TNC: variants seen among roughly 807,000 people sequenced by gnomAD.
The protein encoded by TNC is tenascin C, also known as tenascin.
TNC carries 109 observed loss-of-function variants against 202.4 expected under a neutral mutation model. The ratio of observed to expected loss-of-function variants is 0.54; its 90% CI spans 0.46 to 0.63. The LOEUF is 0.63. TNC is among the 30% of genes least tolerant of loss of function. TNC has a pLI of 0.00. For missense variants in TNC, 2,756 were observed against 2,833.3 expected, an observed-to-expected ratio of 0.97 and a Z score of 0.62; for synonymous variants, 1,007 against 1,089.7, an observed-to-expected ratio of 0.92 and a Z score of 1.50.
chr9:115,079,747 T>C (rs1453964570), intron 6 of TNC, among the ~76,000 whole-genome samples: 2 of 152,192 alleles, frequency 1.3e-5, no homozygotes, highest in Admixed American at 6.5e-5. Context: ...TGATGGTGAA[T>C]GGTAAAGATG....
rs754427830 is a variant in TNC at position 115,036,188 on chromosome 9, C to T, written c.5566G>A (p.Asp1856Asn). The T allele has an allele frequency of 5.1e-5, 83 of 1,614,008 alleles. No homozygotes were observed. Among genetic ancestry groups the T allele is most frequent in the Non-Finnish European group, 6.8e-5 (80 of 1,180,012 alleles). ...GTGTATTCCGTGGCAGGCTCGAGGT[C>T]GGTCAGAGCATACTCCACTGTGTTC... ...SGNTVEYALTDLEPATEYTLR... is the reference protein window; with the variant it reads ...SGNTVEYALTNLEPATEYTLR... The change falls in exon 21 of 28, where the codon GAC becomes AAC. Residue 1856 changes from aspartate to asparagine, a missense_variant. Around this residue, in one of 2 missense-constraint regions of TNC, gnomAD observed 2,559 missense variants for 2,546.0 expected, o/e 1.01. Transcript: ENST00000350763.
In TNC at chr9:115,081,340, T is replaced by C. The variant is rs185850850; in HGVS notation, c.2404+432A>G. ...AAAGGAGATTTTGAAACTCCTTTCA[T>C]CAAGAGATGGATCTGTTTCTCTATT... On this transcript the variant is annotated intron_variant, in intron 6 of 27. Transcript: ENST00000350763. Among the ~76,000 whole-genome samples the C allele has an allele frequency of 3.3e-5, 5 of 152,334 alleles. No homozygotes were observed. In the East Asian group the frequency reaches 9.7e-4, roughly 29 times the overall value.
rs58547879 is a variant in TNC at position 115,029,430 on chromosome 9, G to A, written c.6099C>T (p.Arg2033=). 5,390 of 1,614,056 alleles carry A rather than the reference G, an allele frequency of 3.3e-3. 146 individuals are homozygous for A. In the African/African-American group the frequency reaches 0.059, roughly 18 times the overall value. ...WIVFLRRKNG[R]ENFYQNWKAY... ...CCTTCCAGTTTTGGTAGAAGTTCTC[G>A]CGTCCGTTTTTGCGTCTCAGGAACA... Residue 2033 remains arginine (R), a synonymous_variant, in exon 25 of 28, where the codon CGC becomes CGT. Coordinates refer to ENST00000350763, the MANE Select transcript of TNC (RefSeq NM_002160.4).
At chr9:115,053,450 A>G (rs186617811) in intron 15 of TNC, among the ~76,000 whole-genome samples, 3 of 152,346 alleles carry the variant, frequency 2.0e-5, no homozygotes, top group East Asian at 1.9e-4. Context: ...ACCGAATATT[A>G]TGTCTTACCA....
rs1043753845 is a variant in TNC, at chr9:115,021,145, G to A, written c.*12C>T. On this transcript the variant is annotated 3_prime_UTR_variant, in exon 28 of 28. Transcript: ENST00000350763. Reference sequence around the variant, plus strand: ...GGGCCTTATTCCTCTCTCACCCAGTGGTCCCTGGAATTTATGCCCGTTTGC... The same window carrying A: ...GGGCCTTATTCCTCTCTCACCCAGTAGTCCCTGGAATTTATGCCCGTTTGC... 2 of 1,604,664 alleles carry A rather than the reference G, an allele frequency of 1.2e-6. No homozygotes were observed. Among genetic ancestry groups the A allele is most frequent in the Admixed American group, 1.7e-5 (1 of 59,882 alleles).
chr9:115,049,097 C>T (rs1831445117), intron 15 of TNC, among the ~76,000 whole-genome samples: 1 of 151,942 alleles, frequency 6.6e-6, no homozygotes, highest in South Asian at 2.1e-4. Context: ...AAATTAATAG[C>T]TCATGGTTAT....
intron 10 of TNC, among the ~76,000 whole-genome samples, chr9:115,067,369 G>C (rs1281772738): frequency 2.0e-5 from 3 of 152,168 alleles, no homozygotes; most frequent in Non-Finnish European, 4.4e-5. Context: ...CTGTCCACCT[G>C]TCAGGAACTA....
chr9:115,070,585 A>G (rs1000918041), intron 10 of TNC, among the ~76,000 whole-genome samples: 1 of 152,206 alleles, frequency 6.6e-6, no homozygotes, highest in Admixed American at 6.5e-5. Flanking sequence ...CAAGAAAAAG[A>G]CTTACATTAT....
chr9:115,040,821 C>T, intron 19 of TNC, 120 bp downstream of exon 19: 8 of 1,326,908 alleles, frequency 6.0e-6, no homozygotes, highest in Non-Finnish European at 8.0e-6. Flanking sequence ...TAAAACCCCC[C>T]TTTTTTTCCA....
chr9:115,043,788 T>C (rs927694595), intron 17 of TNC, among the ~76,000 whole-genome samples: 10 of 152,204 alleles, frequency 6.6e-5, no homozygotes, highest in African/African-American at 2.4e-4. Context: ...ACTCAGGCAC[T>C]GAGGACTTCC....
intron 17 of TNC, among the ~76,000 whole-genome samples, chr9:115,043,870 G>A (rs567848330): frequency 6.6e-6 from 1 of 152,214 alleles, no homozygotes; most frequent in Non-Finnish European, 1.5e-5. Context: ...ATTTTAGTAG[G>A]TGTATCTTAT....
Position 115,046,401 on chromosome 9 carries a change from T to G in TNC, c.5125+9A>C. ...CTTTTCTCTGTTCTCTCCTGTTTAT[T>G]TACAGTACCTGTTGTTGCTATAGCA... On this transcript the variant is annotated intron_variant, in intron 17 of 27. Coordinates refer to ENST00000350763, the MANE Select transcript of TNC (RefSeq NM_002160.4). 1 of 1,613,452 alleles carries G rather than the reference T, an allele frequency of 6.2e-7. No homozygotes were observed. The highest frequency in any genetic ancestry group is 1.7e-5 in the Admixed American group (1 of 59,958).
intron 19 of TNC, among the ~76,000 whole-genome samples, 168 bp downstream of exon 19, chr9:115,040,773 C>T (rs1478556574): frequency 2.0e-5 from 3 of 152,158 alleles, no homozygotes; most frequent in African/African-American, 7.2e-5. Flanking sequence ...GCCTCTGGCA[C>T]TCTAAATCCA....
chr9:115,027,558 C>A (rs1245117545), intron 25 of TNC, among the ~76,000 whole-genome samples: 2 of 152,150 alleles, frequency 1.3e-5, no homozygotes, highest in African/African-American at 4.8e-5. Context: ...CCACTGCATT[C>A]CAGCCTCGGC....
At chr9:115,045,541 A>ATTTT (rs61415443) in intron 17 of TNC, among the ~76,000 whole-genome samples, 21 of 110,110 alleles carry the variant, frequency 1.9e-4, no homozygotes, top group Admixed American at 4.1e-4. Context: ...TAAGTTTTTG[A>ATTTT]TTTTTTTTTT....
At chr9:115,055,590 C>T (rs1251331977) in intron 15 of TNC, 1 of 152,396 alleles carries the variant, frequency 6.6e-6, no homozygotes, top group African/African-American at 2.4e-5. Context: ...CTGCGAGACA[C>T]CCCAGGCACA....
chr9:115,038,254 AC>A lies in TNC; in HGVS notation c.5512+6del, dbSNP rs779151362. 1.1e-5 allele frequency: 18 copies of A among 1,613,222 alleles called. No individual in the cohort carries two copies. Among genetic ancestry groups the A allele is most frequent in the Non-Finnish European group, 1.5e-5 (18 of 1,179,492 alleles). On this transcript the variant is annotated splice_donor_region_variant and intron_variant, in intron 20 of 27. Coordinates refer to ENST00000350763, the MANE Select transcript of TNC (RefSeq NM_002160.4). ...TAGAGTGAGGAGAGACTTGGACAAA[AC>A]CTTACCTTTCTCGCCTGTGTAGGAG...
At chr9:115,080,315 T>C (rs1834206078) in intron 6 of TNC, among the ~76,000 whole-genome samples, 1 of 97,440 alleles carries the variant, frequency 1.0e-5, no homozygotes, top group Admixed American at 1.2e-4. Flanking sequence ...TTTCTGGTGA[T>C]CTAATGATTT....
chr9:115,094,496 AACTT>A (rs1203199309), intron 1 of TNC, among the ~76,000 whole-genome samples: 7 of 152,226 alleles, frequency 4.6e-5, no homozygotes, highest in African/African-American at 1.7e-4. Context: ...AACCCAGGGA[AACTT>A]ACTTGAGATT....
Sources: allele counts gnomAD v4.1 joint callset (sites outside exome capture counted in the v4.1 genomes callset), GRCh38; gene constraint gnomAD v4.1.1; regional missense constraint gnomAD v4.1.1; transcripts MANE v1.5; gene names NCBI Gene and HGNC (gene_info 2026-07-23, HGNC 2026-07-21).